The following TPRG1 variants were observed in gnomAD, a reference collection of about 807,000 sequenced individuals.
The protein encoded by TPRG1 is tumor protein p63-regulated gene 1 protein.
A neutral mutation model predicts 29.3 loss-of-function variants in TPRG1; 29 were observed. That is an observed-to-expected ratio of 0.99 (90% confidence interval 0.74 to 1.35). The LOEUF (loss-of-function observed/expected upper bound fraction) is 1.35. TPRG1 is among the 40% of genes most tolerant of loss of function. TPRG1 has a pLI of 0.00. For missense variants in TPRG1, 327 were observed against 335.0 expected (o/e 0.98, Z 0.19); for synonymous variants, 130 against 116.8 (o/e 1.11, Z -0.73).
chr3:189,178,303 C>A (rs1016064548), intron 1 of TPRG1, among the ~76,000 whole-genome samples: 5 of 152,104 alleles, frequency 3.3e-5, no homozygotes, highest in Non-Finnish European at 7.3e-5. Flanking sequence ...CCAAGGTGGG[C>A]AGATCACTTG....
At chr3:189,287,400 C>CT (rs79217716) in intron 4 of TPRG1, among the ~76,000 whole-genome samples, 5,715 of 140,676 alleles carry the variant, frequency 0.041, 346 homozygotes, top group African/African-American at 0.13. Flanking sequence ...TTCTTTCTTT[C>CT]TTTTTTTTTT....
chr3:189,161,279 G>A (rs1727444337), intron 5 of TPRG1, among the ~76,000 whole-genome samples: 1 of 152,218 alleles, frequency 6.6e-6, no homozygotes, highest in Admixed American at 6.5e-5. Flanking sequence ...TGCTATAGAA[G>A]CAGTACATCA....
chr3:189,220,473 G>C lies in TPRG1; in HGVS notation c.302+5090G>C, dbSNP rs1736770916. ...TTTTAAGTTCAGTGGTACAAGTGCA[G>C]GTTTGTTACAGAGGTAAAATTGTGT... On this transcript the variant is annotated intron_variant, in intron 3 of 5. Coordinates refer to ENST00000345063, the MANE Select transcript of TPRG1 (RefSeq NM_198485.4). 2.0e-5 allele frequency among the ~76,000 whole-genome samples: 3 copies of C among 152,096 alleles called. No homozygotes were observed. The South Asian group carries it at 6.2e-4, about 32-fold the overall frequency.
chr3:189,317,318 A>C (rs1232962257), intron 5 of TPRG1, among the ~76,000 whole-genome samples: 1 of 152,176 alleles, frequency 6.6e-6, no homozygotes, highest in African/African-American at 2.4e-5. Context: ...GTCAGTGATG[A>C]TTAAGCAGTT....
chr3:189,304,862 C>G (rs888259762), intron 4 of TPRG1, among the ~76,000 whole-genome samples: 22 of 152,136 alleles, frequency 1.4e-4, no homozygotes, highest in African/African-American at 5.1e-4. Flanking sequence ...CTGAGTTGCT[C>G]TCTCCCCATC....
At chr3:189,171,962 A>T (rs1297821482), upstream of TPRG1, 1 of 152,086 alleles carries the variant, frequency 6.6e-6, no homozygotes, top group Non-Finnish European at 1.5e-5. Context: ...TGGCAGTGTA[A>T]CTCTCAGCCT....
At chr3:189,130,430 T>G (rs948441639) in intron 2 of TPRG1, among the ~76,000 whole-genome samples, 1 of 152,246 alleles carries the variant, frequency 6.6e-6, no homozygotes, top group African/African-American at 2.4e-5. Flanking sequence ...CAGTGCTTTC[T>G]TAACTGGCCT....
chr3:189,138,555 C>A (rs764269264), intron 3 of TPRG1, among the ~76,000 whole-genome samples: 1 of 152,122 alleles, frequency 6.6e-6, no homozygotes, highest in African/African-American at 2.4e-5. Flanking sequence ...CAGGTCTTTG[C>A]CACTCAGCTG....
At chr3:189,024,897 G>A (rs1003143667) in intron 4 of TPRG1, among the ~76,000 whole-genome samples, 1 of 152,216 alleles carries the variant, frequency 6.6e-6, no homozygotes, top group African/African-American at 2.4e-5. Flanking sequence ...TTGTCCAAAT[G>A]ACAGAGCCCC....
chr3:189,218,003 G>A (rs1281812901), intron 3 of TPRG1: 2 of 985,352 alleles, frequency 2.0e-6, no homozygotes, highest in Non-Finnish European at 2.4e-6. Context: ...GGCCCAGAAA[G>A]GTAAGAGCTT....
intron 4 of TPRG1, among the ~76,000 whole-genome samples, chr3:189,268,971 C>T (rs188973756): frequency 6.2e-4 from 94 of 152,232 alleles, no homozygotes; most frequent in African/African-American, 2.0e-3. Context: ...TTCTCTATGA[C>T]GAGAACCCTC....
At chr3:189,033,312 C>T in intron 4 of TPRG1, among the ~76,000 whole-genome samples, 1 of 151,056 alleles carries the variant, frequency 6.6e-6, no homozygotes, top group Non-Finnish European at 1.5e-5. Context: ...GGCAGGATCT[C>T]ACACGTTCAC....
At chr3:189,169,576 C>T (rs964968073), upstream of TPRG1, among the ~76,000 whole-genome samples, 7 of 152,360 alleles carry the variant, frequency 4.6e-5, no homozygotes, top group African/African-American at 7.2e-5. Flanking sequence ...GGCTGTTGAG[C>T]ATGTCCTCTA....
chr3:189,220,861 G>A (rs894172000), intron 3 of TPRG1, among the ~76,000 whole-genome samples: 14 of 152,190 alleles, frequency 9.2e-5, no homozygotes, highest in African/African-American at 2.6e-4. Context: ...CATTTAGGTT[G>A]ATTCTATCTC....
At chr3:189,024,626 C>G (rs1293720968) in intron 4 of TPRG1, among the ~76,000 whole-genome samples, 1 of 152,198 alleles carries the variant, frequency 6.6e-6, no homozygotes, top group Non-Finnish European at 1.5e-5. Flanking sequence ...CAGTCTGGAA[C>G]AGATGAGCTG....
chr3:189,022,890 G>A (rs1451332942), intron 3 of TPRG1, among the ~76,000 whole-genome samples: 3 of 152,078 alleles, frequency 2.0e-5, no homozygotes, highest in Non-Finnish European at 2.9e-5. Flanking sequence ...ACTCCGTGGG[G>A]TAGGACCCTC....
At chr3:189,018,686 T>G (rs2152124053) in intron 3 of TPRG1, among the ~76,000 whole-genome samples, 1 of 151,822 alleles carries the variant, frequency 6.6e-6, no homozygotes, top group Non-Finnish European at 1.5e-5. Flanking sequence ...CTTTGTTCTT[T>G]TGGCTTAGGA....
chr3:189,314,846 G>T (rs983968323), intron 5 of TPRG1, among the ~76,000 whole-genome samples: 6 of 152,192 alleles, frequency 3.9e-5, no homozygotes, highest in Admixed American at 3.3e-4. Flanking sequence ...GCCATGTGTG[G>T]TGGTGGCCTA....
intron 4 of TPRG1, among the ~76,000 whole-genome samples, chr3:189,036,313 G>C (rs1377071190): frequency 6.6e-6 from 1 of 152,038 alleles, no homozygotes; most frequent in Non-Finnish European, 1.5e-5. Flanking sequence ...TGTAAAATTA[G>C]TACTGTTGGG....
Sources: gnomAD v4.1 joint callset for allele counts (sites outside exome capture counted in the v4.1 genomes callset) on GRCh38, gnomAD v4.1.1 for gene constraint, MANE v1.5 for transcripts, NCBI Gene and HGNC (gene_info 2026-07-23, HGNC 2026-07-21) for gene names.